Variants in SIK3 observed in about 807,000 individuals in gnomAD.
The protein encoded by SIK3 is serine/threonine-protein kinase SIK3.
SIK3 carries 28 observed loss-of-function variants against 144.2 expected under a neutral mutation model. That is an observed-to-expected ratio of 0.19 (90% confidence interval 0.14 to 0.27). The LOEUF is 0.27. SIK3 is among the 10% of genes least tolerant of loss of function. The pLI is 1.00. For missense variants in SIK3, 1,319 were observed against 1,776.0 expected (o/e 0.74, Z 4.62); for synonymous variants, 686 against 676.3 (o/e 1.01, Z -0.22).
At chr11:116,957,304 T>C (rs1202434433) in intron 1 of SIK3, among the ~76,000 whole-genome samples, 1 of 152,200 alleles carries the variant, frequency 6.6e-6, no homozygotes, top group African/African-American at 2.4e-5. Context: ...ATTTCTTCAA[T>C]TGCTTATACG....
intron 1 of SIK3, among the ~76,000 whole-genome samples, chr11:116,977,341 A>T (rs1193758941): frequency 6.6e-6 from 1 of 150,760 alleles, no homozygotes; most frequent in Non-Finnish European, 1.5e-5. Context: ...TCAGTCCCAC[A>T]AAGTGCTGGG....
At chr11:116,994,998 GT>G (rs1330938801) in intron 1 of SIK3, among the ~76,000 whole-genome samples, 7 of 151,876 alleles carry the variant, frequency 4.6e-5, no homozygotes, top group African/African-American at 1.7e-4. Context: ...GCCGGGCATG[GT>G]GGCTCACGCC....
In SIK3 at chr11:116,975,358, T is replaced by C. The variant is rs550704418; in HGVS notation, c.274-18294A>G. Among the ~76,000 whole-genome samples, 642 of 152,178 alleles carry C rather than the reference T, an allele frequency of 4.2e-3. 2 individuals are homozygous for C. Among genetic ancestry groups the C allele is most frequent in the Non-Finnish European group, 7.0e-3 (479 of 67,980 alleles). ...ATACCTGTTTAGCTGTCACTCCTCA[T>C]TCCCCCACTCCTATCCCTCCACCAG... On this transcript the variant is annotated intron_variant, in intron 1 of 24. Transcript: ENST00000445177.
In SIK3 at chr11:117,014,513, G is replaced by A. The variant is rs559027342; in HGVS notation, c.274-57449C>T. Among the ~76,000 whole-genome samples, 25 of 151,606 alleles carry A rather than the reference G, an allele frequency of 1.6e-4. 1 individual carries two copies. The highest frequency in any genetic ancestry group is 2.4e-4 in the African/African-American group (10 of 41,348). ...AAAATTAAGAATTTATTTATCAAAA[G>A]ACACAACTAACAGGGAAAAGACAAG... is the stretch of plus-strand genomic sequence containing the variant. On this transcript the variant is annotated intron_variant, in intron 1 of 24. Coordinates refer to ENST00000445177, the MANE Select transcript of SIK3 (RefSeq NM_001366686.3).
In SIK3 at chr11:116,876,244, C is replaced by T. The variant is rs771448173; in HGVS notation, c.1095+9G>A. The T allele has an allele frequency of 8.7e-6, 14 of 1,611,158 alleles. No individual in the cohort carries two copies. The highest frequency in any genetic ancestry group is 1.2e-5 in the Non-Finnish European group (14 of 1,177,844). The stretch of plus-strand genomic sequence containing the variant: ...CATCCCACTTTGTTCTCCACTCCTT[C>T]GGAGATACCTGCAGTGTCTGTTCTT... On this transcript the variant is annotated intron_variant, in intron 8 of 24. Transcript: ENST00000445177.
Position 116,959,053 on chromosome 11 carries a change from G to T in SIK3, c.274-1989C>A, listed in dbSNP as rs572789441. Reference sequence around the variant, plus strand: ...AGAAACTTGCAGATATATCCCCATAGCAGAGCTGCCAAACAGCTGTAATCC... The same window carrying T: ...AGAAACTTGCAGATATATCCCCATATCAGAGCTGCCAAACAGCTGTAATCC... On this transcript the variant is annotated intron_variant, in intron 1 of 24. Coordinates refer to ENST00000445177, the MANE Select transcript of SIK3 (RefSeq NM_001366686.3). Among the ~76,000 whole-genome samples, 3 of 152,286 alleles carry T rather than the reference G, an allele frequency of 2.0e-5. No individual in the cohort carries two copies. The East Asian group carries it at 5.8e-4, about 29-fold the overall frequency.
chr11:116,965,732 AAAATATAT>A (rs60709059), intron 1 of SIK3, among the ~76,000 whole-genome samples: 18 of 77,314 alleles, frequency 2.3e-4, no homozygotes, highest in African/African-American at 9.2e-4. Context: ...CGTCTCTGCT[AAAATATAT>A]ATATATATAT....
At chr11:116,966,306 G>A (rs1462735936) in intron 1 of SIK3, among the ~76,000 whole-genome samples, 2 of 152,146 alleles carry the variant, frequency 1.3e-5, no homozygotes, top group Admixed American at 1.3e-4. Flanking sequence ...GAGGTGGGAA[G>A]ATCATTTGAG....
At chr11:116,933,113 T>C (rs1250626248) in intron 3 of SIK3, among the ~76,000 whole-genome samples, 2 of 151,894 alleles carry the variant, frequency 1.3e-5, no homozygotes, top group African/African-American at 4.8e-5. Context: ...TCCATCCAAG[T>C]TGATGTGTCT....
chr11:117,039,465 G>A (rs1952650913), intron 1 of SIK3, among the ~76,000 whole-genome samples: 1 of 152,086 alleles, frequency 6.6e-6, no homozygotes, highest in Non-Finnish European at 1.5e-5. Context: ...TGACAGACTT[G>A]TTACTAATGT....
intron 1 of SIK3, among the ~76,000 whole-genome samples, chr11:116,968,153 T>C (rs1192090189): frequency 6.6e-6 from 1 of 152,246 alleles, no homozygotes; most frequent in Non-Finnish European, 1.5e-5. Context: ...TTTTTGTTTT[T>C]GTTTTTTGAG....
At chr11:117,019,548 C>G (rs1434905033) in intron 1 of SIK3, among the ~76,000 whole-genome samples, 1 of 151,670 alleles carries the variant, frequency 6.6e-6, no homozygotes, top group African/African-American at 2.4e-5. Flanking sequence ...AGTCACGGCT[C>G]ATTAACAAAG....
intron 3 of SIK3, among the ~76,000 whole-genome samples, chr11:116,942,054 T>A (rs959887888): frequency 1.3e-5 from 2 of 152,206 alleles, no homozygotes; most frequent in Non-Finnish European, 2.9e-5. Flanking sequence ...TGAAGTCTAT[T>A]TATTACACTG....
At chr11:116,936,798 T>C (rs1045759850) in intron 3 of SIK3, among the ~76,000 whole-genome samples, 2 of 152,192 alleles carry the variant, frequency 1.3e-5, no homozygotes, top group Non-Finnish European at 2.9e-5. Flanking sequence ...CTACAATATA[T>C]AGTTCTAATT....
In SIK3 at chr11:116,876,235, C is replaced by T. The variant is rs1944245551; in HGVS notation, c.1095+18G>A. On this transcript the variant is annotated intron_variant, in intron 8 of 24. Coordinates refer to ENST00000445177, the MANE Select transcript of SIK3 (RefSeq NM_001366686.3). The stretch of plus-strand genomic sequence containing the variant: ...GAACTGCTACATCCCACTTTGTTCT[C>T]CACTCCTTCGGAGATACCTGCAGTG... 6.2e-7 allele frequency: 1 copy of T among 1,606,018 alleles called. No homozygotes were observed.
chr11:116,898,161 T>C (rs544385135), intron 4 of SIK3, among the ~76,000 whole-genome samples: 7 of 151,554 alleles, frequency 4.6e-5, no homozygotes, highest in Non-Finnish European at 7.4e-5. Flanking sequence ...AGTGTGATGT[T>C]CCCCTTCCTG....
intron 1 of SIK3, among the ~76,000 whole-genome samples, chr11:116,995,950 A>G (rs932417026): frequency 3.9e-5 from 6 of 152,146 alleles, no homozygotes; most frequent in African/African-American, 1.4e-4. Flanking sequence ...AAGGAGTTCA[A>G]GGCTAGCCTG....
chr11:116,873,731 T>C (rs1263160), intron 12 of SIK3, 95 bp from the exon 13 acceptor site: 41,416 of 1,483,814 alleles, frequency 0.028, 1,446 homozygotes, highest in African/African-American at 0.16. Context: ...AAGGGAGCCA[T>C]GGGTCATGAC....
intron 1 of SIK3, among the ~76,000 whole-genome samples, chr11:116,977,822 C>T (rs1240381853): frequency 6.6e-6 from 1 of 152,088 alleles, no homozygotes; most frequent in Non-Finnish European, 1.5e-5. Flanking sequence ...CCTAGGCACG[C>T]TCTCTATTTA....
Sources: allele counts gnomAD v4.1 joint callset (sites outside exome capture counted in the v4.1 genomes callset), GRCh38; gene constraint gnomAD v4.1.1; transcripts MANE v1.5; gene names NCBI Gene and HGNC (gene_info 2026-07-23, HGNC 2026-07-21).